The following AGO2 variants were observed in gnomAD, a reference collection of about 807,000 sequenced individuals.
AGO2 encodes the protein argonaute RISC catalytic component 2, also known as protein argonaute-2.
AGO2 carries 5 observed loss-of-function variants against 102.3 expected under a neutral mutation model. The observed-to-expected ratio is 0.05, with a 90% confidence interval of 0.03 to 0.10. AGO2 has a LOEUF of 0.10. Ranked by LOEUF, AGO2 falls within the 10% of genes least tolerant of loss-of-function variation. The pLI is 1.00. For missense variants in AGO2, 541 were observed against 1,183.7 expected (o/e 0.46, Z 7.97); for synonymous variants, 449 against 473.1 (o/e 0.95, Z 0.66).
At chr8:140,537,594 G>A (rs914076274) in intron 16 of AGO2, among the ~76,000 whole-genome samples, 7 of 146,960 alleles carry the variant, frequency 4.8e-5, no homozygotes, top group Non-Finnish European at 9.2e-5. Flanking sequence ...GAGTCACTAC[G>A]CCTGGCCCCA....
chr8:140,592,201 C>T (rs1312250872), intron 1 of AGO2: 1 of 152,292 alleles, frequency 6.6e-6, no homozygotes, highest in Non-Finnish European at 1.5e-5. Flanking sequence ...CCTACAGAAA[C>T]ATTCCCCAAT....
intron 6 of AGO2, 28 bp from the exon 7 acceptor site, chr8:140,558,600 A>C: frequency 1.2e-6 from 2 of 1,611,798 alleles, no homozygotes; most frequent in Non-Finnish European, 1.7e-6. Flanking sequence ...AGGCATCGGC[A>C]TCGGGGCTGT....
At chr8:140,602,645 G>A (rs754875464) in intron 1 of AGO2, among the ~76,000 whole-genome samples, 8 of 152,110 alleles carry the variant, frequency 5.3e-5, no homozygotes, top group East Asian at 1.9e-4. Context: ...TTAATTCCCC[G>A]CACTTGGAAT....
chr8:140,604,812 G>A (rs2073975102), intron 1 of AGO2, among the ~76,000 whole-genome samples: 3 of 141,034 alleles, frequency 2.1e-5, no homozygotes. Flanking sequence ...GGGCGACAGA[G>A]CGAGACTCCA....
intron 1 of AGO2, among the ~76,000 whole-genome samples, chr8:140,585,611 A>G (rs368403717): frequency 1.3e-5 from 2 of 152,238 alleles, no homozygotes; most frequent in African/African-American, 4.8e-5. Context: ...CAAAGAGCCC[A>G]AAAGTGTCAA....
At chr8:140,546,034 A>G (rs572370888) in intron 13 of AGO2, among the ~76,000 whole-genome samples, 1 of 152,266 alleles carries the variant, frequency 6.6e-6, no homozygotes, top group Non-Finnish European at 1.5e-5. Flanking sequence ...CTCCACCAGG[A>G]CTTCCGGCCC....
intron 2 of AGO2, among the ~76,000 whole-genome samples, chr8:140,580,002 G>GAA (rs1316054656): frequency 6.6e-6 from 1 of 152,266 alleles, no homozygotes; most frequent in East Asian, 1.9e-4. Context: ...GGAAGGGAGA[G>GAA]GAGCCCACCT....
intron 1 of AGO2, among the ~76,000 whole-genome samples, chr8:140,623,872 T>C (rs1268558951): frequency 3.3e-5 from 5 of 152,014 alleles, no homozygotes; most frequent in Non-Finnish European, 7.4e-5. Flanking sequence ...ACATGCAGAT[T>C]TAACTCTTAA....
intron 14 of AGO2, 97 bp downstream of exon 14, chr8:140,544,116 T>A (rs946444502): frequency 2.9e-6 from 4 of 1,358,594 alleles, no homozygotes; most frequent in Non-Finnish European, 3.9e-6. Flanking sequence ...ACCCCATGCC[T>A]TTCAGGAAGG....
chr8:140,578,511 G>A (rs938926698), intron 2 of AGO2, among the ~76,000 whole-genome samples: 2 of 152,284 alleles, frequency 1.3e-5, no homozygotes, highest in East Asian at 1.9e-4. Context: ...CTGGTCCTTC[G>A]TTTCGAGCCG....
intron 16 of AGO2, among the ~76,000 whole-genome samples, chr8:140,537,789 T>C (rs1274269234): frequency 1.3e-5 from 2 of 152,212 alleles, no homozygotes; most frequent in Non-Finnish European, 2.9e-5. Flanking sequence ...GCTGTATCTT[T>C]TTGGTGAATC....
intron 1 of AGO2, among the ~76,000 whole-genome samples, chr8:140,616,786 C>G (rs1050802173): frequency 6.6e-6 from 1 of 152,234 alleles, no homozygotes; most frequent in African/African-American, 2.4e-5. Context: ...TCACTGCCCC[C>G]ACCTCACTCG....
At chr8:140,537,437 G>C (rs542455416) in intron 16 of AGO2, among the ~76,000 whole-genome samples, 1 of 152,154 alleles carries the variant, frequency 6.6e-6, no homozygotes, top group East Asian at 1.9e-4. Flanking sequence ...GAGTAGCTGG[G>C]ACCATAGGCG....
chr8:140,539,610 C>T lies in AGO2; in HGVS notation c.2035-156G>A, dbSNP rs1249593974. Among the ~76,000 whole-genome samples the T allele has an allele frequency of 1.3e-5, 2 of 152,192 alleles. No individual in the cohort carries two copies. Among genetic ancestry groups the T allele is most frequent in the East Asian group, 3.8e-4 (2 of 5,196 alleles). ...GAGGTGAAAACACGGGGGCAGAAAC[C>T]ATCCTCTCTGCAGGGAGGACTGGAT... On this transcript the variant is annotated intron_variant, in intron 15 of 18. Transcript: ENST00000220592. This position sits in a 1 kb window ranked among gnomAD's most constrained non-coding sequence, Gnocchi z 4.7.
At chr8:140,582,403 G>C (rs141538961) in intron 2 of AGO2, among the ~76,000 whole-genome samples, 1 of 152,198 alleles carries the variant, frequency 6.6e-6, no homozygotes, top group Non-Finnish European at 1.5e-5. Flanking sequence ...CATTTTGGGT[G>C]TCAGGTTTTC....
At chr8:140,576,242 A>C (rs1426227030) in intron 2 of AGO2, among the ~76,000 whole-genome samples, 1 of 152,198 alleles carries the variant, frequency 6.6e-6, no homozygotes, top group Non-Finnish European at 1.5e-5. Flanking sequence ...TGAACCCAGG[A>C]GGCAGAGGTT....
chr8:140,541,014 C>G (rs1564075297), intron 15 of AGO2, 150 bp downstream of exon 15: 1 of 944,572 alleles, frequency 1.1e-6, no homozygotes, highest in African/African-American at 1.7e-5. Flanking sequence ...ATCTCCTCCC[C>G]TGGACCCCCT....
At chr8:140,624,782 G>A (rs2074254931) in intron 1 of AGO2, among the ~76,000 whole-genome samples, 1 of 152,224 alleles carries the variant, frequency 6.6e-6, no homozygotes, top group South Asian at 2.1e-4. Flanking sequence ...CATGTCATGT[G>A]GTGACATCTT....
chr8:140,626,908 T>A (rs1295635083), intron 1 of AGO2: 3 of 152,270 alleles, frequency 2.0e-5, no homozygotes, highest in African/African-American at 7.2e-5. Context: ...GAGGCCGCCA[T>A]CCCTCAGGGC....
Sources: gnomAD v4.1 joint callset for allele counts (sites outside exome capture counted in the v4.1 genomes callset) on GRCh38, gnomAD v4.1.1 for gene constraint, Gnocchi (gnomAD v3.1) non-coding constraint, MANE v1.5 for transcripts, NCBI Gene and HGNC (gene_info 2026-07-23, HGNC 2026-07-21) for gene names.